TMEM50B: variants seen among roughly 807,000 people sequenced by gnomAD.
TMEM50B encodes transmembrane protein 50B.
In TMEM50B, 14 loss-of-function variants were observed where a neutral mutation model predicts 23.4. The observed-to-expected ratio is 0.60, with a 90% CI of 0.39 to 0.93. The LOEUF (loss-of-function observed/expected upper bound fraction) is 0.93. Ranked by LOEUF, TMEM50B falls within the 40% of genes least tolerant of loss-of-function variation. The pLI, the probability that TMEM50B is intolerant of heterozygous loss-of-function variation, is 0.00. For synonymous variants in TMEM50B, 64 were observed against 62.3 expected (o/e 1.03, Z -0.13); for missense variants, 159 against 193.0 (o/e 0.82, Z 1.04).
chr21:33,474,115 G>C (rs532902228), intron 1 of TMEM50B, among the ~76,000 whole-genome samples: 2 of 150,964 alleles, frequency 1.3e-5, no homozygotes, highest in Non-Finnish European at 2.9e-5. Context: ...AAAATCATTC[G>C]ACTGTACACT....
In TMEM50B at chr21:33,465,391, A is replaced by G. The variant is rs746961761; in HGVS notation, c.231T>C (p.Asn77=). The part of the protein sequence containing the change: ...LAFFMINAVS[N]AQVRGDSYES... ...CATAGCTATCACCTCTCACCTGAGCATTGGATACAGCATTTATCCTAGAAC... is the reference window on the plus strand; with the variant it reads ...CATAGCTATCACCTCTCACCTGAGCGTTGGATACAGCATTTATCCTAGAAC... Residue 77 remains asparagine, a synonymous_variant, in exon 4 of 7, where the codon AAT becomes AAC. Transcript: ENST00000542230. 3 of 1,612,846 alleles carry G rather than the reference A, an allele frequency of 1.9e-6. No individual in the cohort carries two copies. Among genetic ancestry groups the G allele is most frequent in the Non-Finnish European group, 8.5e-7 (1 of 1,179,682 alleles).
intron 8 of TMEM50B, chr21:33,436,901 A>C (rs373255356): frequency 1.2e-6 from 2 of 1,613,776 alleles, no homozygotes; most frequent in African/African-American, 2.7e-5. Context: ...GACGTCTGGG[A>C]CTCTGTGTCC....
intron 1 of TMEM50B, among the ~76,000 whole-genome samples, chr21:33,476,348 A>C (rs907079121): frequency 6.6e-6 from 1 of 152,136 alleles, no homozygotes; most frequent in South Asian, 2.1e-4. Context: ...ACGCCATTGC[A>C]CTCCAGCTTG....
In TMEM50B at chr21:33,472,859, A is replaced by G. The variant is rs139805769; in HGVS notation, c.-41-3933T>C. Reference sequence around the variant, plus strand: ...TCATTGCATTTCAGCCTGGGAAACAAGAACAAAACTCCATCTCAAAAAAAA... The same window carrying G: ...TCATTGCATTTCAGCCTGGGAAACAGGAACAAAACTCCATCTCAAAAAAAA... On this transcript the variant is annotated intron_variant, in intron 1 of 6. Coordinates refer to ENST00000542230, the MANE Select transcript of TMEM50B (RefSeq NM_006134.7). 4.4e-4 allele frequency among the ~76,000 whole-genome samples: 67 copies of G among 152,176 alleles called. 1 individual carries two copies. In the East Asian group the frequency reaches 0.012, roughly 28 times the overall value.
At chr21:33,475,783 T>C (rs1179236476) in intron 1 of TMEM50B, among the ~76,000 whole-genome samples, 1 of 152,018 alleles carries the variant, frequency 6.6e-6, no homozygotes, top group African/African-American at 2.4e-5. Flanking sequence ...TGAAACCCCA[T>C]CTCTAATAAA....
intron 4 of TMEM50B, among the ~76,000 whole-genome samples, chr21:33,464,820 A>AAAAAAAAAAAAAAAAAC (rs2084251198): frequency 2.0e-5 from 3 of 148,496 alleles, no homozygotes; most frequent in African/African-American, 7.4e-5. Context: ...AAAAAAAAAA[A>AAAAAAAAAAAAAAAAAC]AAAACAAAAA....
At chr21:33,434,197 G>C (rs1278842409) in intron 8 of TMEM50B, among the ~76,000 whole-genome samples, 2 of 152,150 alleles carry the variant, frequency 1.3e-5, no homozygotes, top group African/African-American at 4.8e-5. Flanking sequence ...ACATTTTGGG[G>C]ATCAGAGGCG....
intron 5 of TMEM50B, among the ~76,000 whole-genome samples, chr21:33,456,351 A>C (rs893020867): frequency 1.3e-5 from 2 of 152,174 alleles, no homozygotes; most frequent in African/African-American, 4.8e-5. Flanking sequence ...GGCACACACC[A>C]CAATGCCTGG....
intron 5 of TMEM50B, among the ~76,000 whole-genome samples, chr21:33,458,002 A>G (rs1472644609): frequency 6.6e-6 from 1 of 152,224 alleles, no homozygotes; most frequent in Non-Finnish European, 1.5e-5. Context: ...CAAATAAGAC[A>G]AACATATAGC....
chr21:33,472,415 C>T (rs1224329651), intron 1 of TMEM50B, among the ~76,000 whole-genome samples: 4 of 152,012 alleles, frequency 2.6e-5, no homozygotes, highest in Non-Finnish European at 5.9e-5. Context: ...ACTAAATGAA[C>T]TTAATCGCAG....
chr21:33,474,086 C>G (rs1246689071), intron 1 of TMEM50B, among the ~76,000 whole-genome samples: 1 of 151,602 alleles, frequency 6.6e-6, no homozygotes, highest in Admixed American at 6.6e-5. Context: ...GCAATGACTG[C>G]ACAGCTCCGT....
intron 1 of TMEM50B, among the ~76,000 whole-genome samples, chr21:33,472,112 G>C (rs1484590471): frequency 1.3e-5 from 2 of 149,300 alleles, no homozygotes; most frequent in Non-Finnish European, 3.0e-5. Flanking sequence ...GGCCGGGCAG[G>C]ATGGCTCACA....
intron 8 of TMEM50B, among the ~76,000 whole-genome samples, chr21:33,438,634 C>A (rs1430933843): frequency 6.6e-6 from 1 of 152,112 alleles, no homozygotes; most frequent in African/African-American, 2.4e-5. Flanking sequence ...CCTGTCTCCA[C>A]TAAAAGCACA....
intron 7 of TMEM50B, among the ~76,000 whole-genome samples, chr21:33,441,613 T>C (rs2084009654): frequency 6.6e-6 from 1 of 151,904 alleles, no homozygotes; most frequent in Admixed American, 6.6e-5. Context: ...ATTTTTGCAG[T>C]CTTTTGTGAT....
chr21:33,463,364 T>C (rs1301743471), intron 4 of TMEM50B, among the ~76,000 whole-genome samples: 1 of 152,124 alleles, frequency 6.6e-6, no homozygotes, highest in Non-Finnish European at 1.5e-5. Context: ...CAAAGCTGCT[T>C]TATTTGGTTT....
chr21:33,462,232 A>G (rs950010854), intron 4 of TMEM50B, among the ~76,000 whole-genome samples: 3 of 152,210 alleles, frequency 2.0e-5, no homozygotes, highest in Non-Finnish European at 4.4e-5. Context: ...AAACCACTTA[A>G]GCAGTACAAA....
intron 1 of TMEM50B, among the ~76,000 whole-genome samples, chr21:33,478,484 A>T (rs1411287545): frequency 6.6e-6 from 1 of 152,116 alleles, no homozygotes; most frequent in African/African-American, 2.4e-5. Flanking sequence ...ACAGAAAAGG[A>T]AAATGAGGAT....
chr21:33,432,723 A>T (rs1170707063), exon 9 of TMEM50B: 6 of 1,614,038 alleles, frequency 3.7e-6, no homozygotes, highest in Non-Finnish European at 5.1e-6. Flanking sequence ...GCCTCCACTG[A>T]GCTTCAGCAA....
intron 1 of TMEM50B, among the ~76,000 whole-genome samples, chr21:33,478,631 G>C (rs952856974): frequency 6.6e-6 from 1 of 152,108 alleles, no homozygotes; most frequent in Non-Finnish European, 1.5e-5. Flanking sequence ...CTGTGTCTCC[G>C]GAAGAAGAAA....
Sources: allele counts gnomAD v4.1 joint callset (sites outside exome capture counted in the v4.1 genomes callset), GRCh38; gene constraint gnomAD v4.1.1; transcripts MANE v1.5; gene names NCBI Gene and HGNC (gene_info 2026-07-23, HGNC 2026-07-21).